EIF4E2: variants seen among roughly 807,000 people sequenced by gnomAD.
EIF4E2 encodes the protein eukaryotic translation initiation factor 4E type 2.
A neutral mutation model predicts 34.2 loss-of-function variants in EIF4E2; 13 were observed. That is an observed-to-expected ratio of 0.38 (90% CI 0.25 to 0.60). The LOEUF is 0.60. Ranked by LOEUF, EIF4E2 falls within the 20% of genes least tolerant of loss-of-function variation. The pLI, the probability that EIF4E2 is intolerant of heterozygous loss-of-function variation, is 0.62. For synonymous variants in EIF4E2, 100 were observed against 106.6 expected (o/e 0.94, Z 0.38); for missense variants, 222 against 315.1 (o/e 0.70, Z 2.24).
chr2:232,553,150 T>C (rs1365251392), intron 1 of EIF4E2, among the ~76,000 whole-genome samples: 6 of 152,184 alleles, frequency 3.9e-5, no homozygotes, highest in East Asian at 1.9e-4. Context: ...GTAATTGCTT[T>C]TGTGGAGAAG....
chr2:232,568,902 C>T (rs768778552), intron 6 of EIF4E2, 43 bp from the exon 7 acceptor site: 3 of 1,613,586 alleles, frequency 1.9e-6, no homozygotes, highest in South Asian at 2.2e-5. Flanking sequence ...GCGTCCCCCT[C>T]TCTTTCCTCT....
intron 1 of EIF4E2, among the ~76,000 whole-genome samples, chr2:232,555,111 T>A (rs1338556821): frequency 2.0e-5 from 3 of 152,208 alleles, no homozygotes; most frequent in African/African-American, 7.2e-5. Context: ...TATTGGATAC[T>A]TTTAATGTAC....
At chr2:232,569,556 T>A (rs906939240), downstream of EIF4E2, among the ~76,000 whole-genome samples, 1 of 152,224 alleles carries the variant, frequency 6.6e-6, no homozygotes, top group South Asian at 2.1e-4. Flanking sequence ...TGGCCTTTGC[T>A]TCGCTGACTT....
downstream of EIF4E2, among the ~76,000 whole-genome samples, chr2:232,573,247 T>A (rs1442907679): frequency 6.6e-6 from 1 of 152,210 alleles, no homozygotes; most frequent in African/African-American, 2.4e-5. Flanking sequence ...CAGGTCTACC[T>A]CCTCTAAGAG....
intron 3 of EIF4E2, among the ~76,000 whole-genome samples, chr2:232,559,487 C>T (rs2106240191): frequency 6.6e-6 from 1 of 152,018 alleles, no homozygotes; most frequent in East Asian, 1.9e-4. Flanking sequence ...AAGAATACTC[C>T]AGTAGGAAAT....
At chr2:232,568,109 A>G (rs1297862555) in intron 6 of EIF4E2, 1 of 985,450 alleles carries the variant, frequency 1.0e-6, no homozygotes, top group South Asian at 4.7e-5. Flanking sequence ...GGGTCTTCAG[A>G]TGGAGAATGC....
intron 1 of EIF4E2, among the ~76,000 whole-genome samples, chr2:232,551,401 T>C (rs900252979): frequency 9.2e-5 from 14 of 152,322 alleles, no homozygotes; most frequent in African/African-American, 3.4e-4. Context: ...TCAAACAGTT[T>C]GGAGGTACAG....
intron 1 of EIF4E2, chr2:232,551,022 C>T (rs1390156727): frequency 1.6e-6 from 1 of 611,576 alleles, no homozygotes; most frequent in African/African-American, 1.8e-5. Flanking sequence ...TCGGACGCCC[C>T]GCCCTGGTGG....
intron 6 of EIF4E2, among the ~76,000 whole-genome samples, chr2:232,579,416 A>G (rs1262414905): frequency 6.6e-6 from 1 of 152,212 alleles, no homozygotes; most frequent in Non-Finnish European, 1.5e-5. Flanking sequence ...ATAAAATACC[A>G]GTGGACTTTT....
At position 232,556,410 on chromosome 2, in the gene EIF4E2, A is replaced by G; in HGVS notation, c.21-6A>G. 1 of 1,609,508 alleles carries G rather than the reference A, an allele frequency of 6.2e-7. No individual in the cohort carries two copies. Among genetic ancestry groups the G allele is most frequent in the Non-Finnish European group, 8.5e-7 (1 of 1,176,292 alleles). On this transcript the variant is annotated splice_polypyrimidine_tract_variant and splice_region_variant and intron_variant, in intron 1 of 6. Transcript: ENST00000258416. ...CAGAATTGTATTGTGTTGCCTTTCC[A>G]TTCAGTTTGAAAGATGATGACAGTG... is the stretch of plus-strand genomic sequence containing the variant.
downstream of EIF4E2, chr2:232,573,827 C>A: frequency 2.9e-6 from 1 of 344,978 alleles, no homozygotes; most frequent in Admixed American, 3.9e-5. Flanking sequence ...CTGTTGGAAA[C>A]TGGCCTTTAC....
intron 3 of EIF4E2, among the ~76,000 whole-genome samples, chr2:232,559,489 G>C (rs932887098): frequency 8.6e-5 from 13 of 151,944 alleles, no homozygotes; most frequent in African/African-American, 2.4e-4. Context: ...GAATACTCCA[G>C]TAGGAAATAC....
intron 6 of EIF4E2, chr2:232,567,973 G>A (rs547055552): frequency 1.9e-5 from 18 of 972,474 alleles, no homozygotes; most frequent in Non-Finnish European, 2.2e-5. Flanking sequence ...CTCTCATATG[G>A]CCCCATACCA....
intron 6 of EIF4E2, among the ~76,000 whole-genome samples, chr2:232,580,739 G>A (rs1693332256): frequency 6.6e-6 from 1 of 152,246 alleles, no homozygotes; most frequent in African/African-American, 2.4e-5. Context: ...AGGGACTTGG[G>A]AGGTGGGTTG....
chr2:232,554,183 C>T (rs1444874487), intron 1 of EIF4E2, among the ~76,000 whole-genome samples: 3 of 152,182 alleles, frequency 2.0e-5, no homozygotes, highest in Non-Finnish European at 4.4e-5. Flanking sequence ...CCAACTCAGC[C>T]TAGGTTGGAA....
chr2:232,574,978 G>A (rs1048004771), intron 6 of EIF4E2, among the ~76,000 whole-genome samples: 7 of 152,174 alleles, frequency 4.6e-5, no homozygotes, highest in African/African-American at 1.4e-4. Flanking sequence ...AGTTAAGAGA[G>A]TATCAAGTCC....
At chr2:232,571,121 A>G (rs569341417), downstream of EIF4E2, among the ~76,000 whole-genome samples, 2 of 152,224 alleles carry the variant, frequency 1.3e-5, no homozygotes, top group South Asian at 4.1e-4. Flanking sequence ...TCCTTCTTCA[A>G]CCGTTGGGTT....
chr2:232,563,982 C>T (rs944545342), intron 3 of EIF4E2, among the ~76,000 whole-genome samples: 1 of 152,176 alleles, frequency 6.6e-6, no homozygotes, highest in Non-Finnish European at 1.5e-5. Context: ...AACTAAAGCT[C>T]CTGGCTGAGG....
Position 232,580,084 on chromosome 2 carries a change from C to CCCCACA in EIF4E2, c.666-819_666-818insCCACAC, listed in dbSNP as rs1416289324. Among the ~76,000 whole-genome samples, 4 of 145,170 alleles carry CCCCACA rather than the reference C, an allele frequency of 2.8e-5. No individual in the cohort carries two copies. The Admixed American group carries it at 2.8e-4, about 10-fold the overall frequency. On this transcript the variant is annotated intron_variant, in intron 6 of 6. Coordinates refer to the EIF4E2 transcript ENST00000409098. ...CATATTGGGATCCCCCACATACATA[C>CCCCACA]CACACACACACACACACACACACAC...
Sources: gnomAD v4.1 joint callset for allele counts (sites outside exome capture counted in the v4.1 genomes callset) on GRCh38, gnomAD v4.1.1 for gene constraint, MANE v1.5 for transcripts, NCBI Gene and HGNC (gene_info 2026-07-23, HGNC 2026-07-21) for gene names.